NEB: variants seen among roughly 807,000 people sequenced by gnomAD.
The protein encoded by NEB is nebulin, also known as nemaline myopathy type 2.
NEB carries 512 observed loss-of-function variants against 952.2 expected under a neutral mutation model. The observed-to-expected ratio is 0.54, with a 90% CI of 0.50 to 0.58. The LOEUF (loss-of-function observed/expected upper bound fraction) is 0.58. Among genes scored for constraint, NEB ranks in the 20% least tolerant of loss-of-function variants. The probability of loss-of-function intolerance (pLI) is 0.00; values close to 1 mark genes in which losing one functional copy is unlikely to be tolerated. For synonymous variants in NEB, 2,900 were observed against 3,149.8 expected, an observed-to-expected ratio of 0.92 and a Z score of 2.66; for missense variants, 8,428 against 9,231.1, an observed-to-expected ratio of 0.91 and a Z score of 3.56.
chr2:151,513,760 G>C, intron 159 of NEB, 67 bp from the exon 160 acceptor site: 1 of 1,115,272 alleles, frequency 9.0e-7, no homozygotes, highest in Non-Finnish European at 1.3e-6. Context: ...AACATACAGG[G>C]TGAATGTAAA....
chr2:151,536,591 T>G (rs2093244863), intron 141 of NEB, among the ~76,000 whole-genome samples: 1 of 152,184 alleles, frequency 6.6e-6, no homozygotes. Flanking sequence ...TCCACAGTAT[T>G]GTAACAAACA....
In NEB at chr2:151,610,122, TA is replaced by T; in HGVS notation, c.12019-3del. 1 of 1,601,596 alleles carries T rather than the reference TA, an allele frequency of 6.2e-7. No homozygotes were observed. Among genetic ancestry groups the T allele is most frequent in the Middle Eastern group, 1.7e-4 (1 of 5,996 alleles). On this transcript the variant is annotated splice_region_variant and splice_polypyrimidine_tract_variant and intron_variant, in intron 80 of 181. Coordinates refer to ENST00000397345, the MANE Select transcript of NEB (RefSeq NM_001164508.2). ...CTCATAGGCTTCCTTGTATTTGTACTAAAATGCCAGAAATACAGGTGGAGAC... is the reference window on the plus strand; with the variant it reads ...CTCATAGGCTTCCTTGTATTTGTACTAAATGCCAGAAATACAGGTGGAGAC...
intron 3 of NEB, among the ~76,000 whole-genome samples, 165 bp from the exon 4 acceptor site, chr2:151,729,821 A>C (rs2099801423): frequency 6.6e-6 from 1 of 152,212 alleles, no homozygotes; most frequent in Non-Finnish European, 1.5e-5. Flanking sequence ...ACCCATCTTC[A>C]CTTTGTAATA....
intron 9 of NEB, among the ~76,000 whole-genome samples, chr2:151,723,004 G>T (rs961536797): frequency 7.2e-5 from 11 of 152,126 alleles, no homozygotes; most frequent in African/African-American, 2.7e-4. Context: ...ATTACAATAG[G>T]TTTTTAAAAA....
At chr2:151,648,894 G>A (rs1207206499) in intron 54 of NEB, among the ~76,000 whole-genome samples, 1 of 152,174 alleles carries the variant, frequency 6.6e-6, no homozygotes, top group African/African-American at 2.4e-5. Flanking sequence ...AGGAGAGACT[G>A]CAAGCTCAAG....
At chr2:151,539,702 G>T (rs1383811169) in intron 138 of NEB, among the ~76,000 whole-genome samples, 1 of 152,182 alleles carries the variant, frequency 6.6e-6, no homozygotes, top group Non-Finnish European at 1.5e-5. Flanking sequence ...ATTATTAACA[G>T]ATTATTACCA....
intron 168 of NEB, chr2:151,499,618 A>ATATT: frequency 2.8e-6 from 1 of 351,040 alleles, no homozygotes; most frequent in Admixed American, 4.5e-5. Flanking sequence ...TAACTTGAAT[A>ATATT]TATTTATTTC....
chr2:151,519,080 T>C lies in NEB; in HGVS notation c.22591-11A>G. On this transcript the variant is annotated splice_polypyrimidine_tract_variant and intron_variant, in intron 154 of 181. Coordinates refer to ENST00000397345, the MANE Select transcript of NEB (RefSeq NM_001164508.2). The stretch of plus-strand genomic sequence containing the variant: ...AGCCTTGTATTTAACCTGTGTGTTA[T>C]GGGGGAAGAAAGGAAATCACGTAAA... The C allele has an allele frequency of 4.5e-6, 7 of 1,556,426 alleles. No individual in the cohort carries two copies. Among genetic ancestry groups the C allele is most frequent in the East Asian group, 4.5e-5 (2 of 44,582 alleles).
rs2096828089 is a variant in NEB at position 151,576,374 on chromosome 2, T to C, written c.16705-20A>G. The C allele has an allele frequency of 6.4e-7, 1 of 1,566,652 alleles. No homozygotes were observed. Among genetic ancestry groups the C allele is most frequent in the East Asian group, 2.3e-5 (1 of 44,346 alleles). On this transcript the variant is annotated intron_variant, in intron 105 of 181. Transcript: ENST00000397345. ...GAGGGCCTGAAAAAGAAAACACAGG[T>C]AGAAGCAGGGTTTGTGTTTTGTTGT...
chr2:151,541,534 T>C lies in NEB; in HGVS notation c.20595A>G (p.Ala6865=), dbSNP rs1399138955. 6.2e-7 allele frequency: 1 copy of C among 1,613,280 alleles called. No individual in the cohort carries two copies. The highest frequency in any genetic ancestry group is 8.5e-7 in the Non-Finnish European group (1 of 1,179,478). Residue 6865 remains alanine (A), a synonymous_variant, in exon 136 of 182, where the codon GCA becomes GCG. Transcript: ENST00000397345. ...THLSELVYRA[A]GKKQKSIFTS... ...TAAAGATTGACTTCTGCTTCTTGCC[T>C]GCAGCTCTGTAGACCAGCTAGACAT...
chr2:151,569,179 T>G (rs962327954), intron 110 of NEB, 89 bp downstream of exon 110: 1 of 1,056,562 alleles, frequency 9.5e-7, no homozygotes, highest in African/African-American at 1.6e-5. Flanking sequence ...TGGTTAAGAT[T>G]GCTGATATTA....
intron 10 of NEB, among the ~76,000 whole-genome samples, chr2:151,710,986 G>A (rs2099743377): frequency 6.6e-6 from 1 of 152,140 alleles, no homozygotes; most frequent in South Asian, 2.1e-4. Flanking sequence ...CAACTTGCAG[G>A]CTAACGAATA....
rs561429482 is a variant in NEB at position 151,653,931 on chromosome 2, G to A, written c.6915+61C>T. ...AAGACTATCCATAAAAATAGTTACC[G>A]ACATTAAGTCACCTGATTCAGATAA... On this transcript the variant is annotated intron_variant, in intron 52 of 181. Transcript: ENST00000397345. 94 of 1,099,918 alleles carry A rather than the reference G, an allele frequency of 8.5e-5. No individual in the cohort carries two copies. In the Middle Eastern group the frequency reaches 1.2e-3, roughly 14 times the overall value. The allele number at this position is 1,099,918 out of a possible 1,614,324, so 68.1% of individuals were successfully genotyped here.
At chr2:151,652,812 A>G (rs756355046) in intron 52 of NEB, among the ~76,000 whole-genome samples, 9 of 152,200 alleles carry the variant, frequency 5.9e-5, no homozygotes, top group Non-Finnish European at 1.2e-4. Context: ...TTCACACAAA[A>G]AGAAATGAGG....
rs1334496224 is a variant in NEB at position 151,537,834 on chromosome 2, T to C, written c.21102+38A>G. The C allele has an allele frequency of 3.7e-6, 5 of 1,358,996 alleles. No individual in the cohort carries two copies. In the South Asian group the frequency reaches 4.5e-5, roughly 12 times the overall value. 84.2% of individuals were successfully genotyped at this position (1,358,996 alleles called of 1,614,324 possible). On this transcript the variant is annotated intron_variant, in intron 140 of 181. Transcript: ENST00000397345. ...TGATTTCAGAGCTTATATGGGAATA[T>C]GAATTTATATGTGAAAATAGAAGAT...
At chr2:151,644,367 T>G in intron 56 of NEB, 101 bp downstream of exon 56, 3 of 1,205,490 alleles carry the variant, frequency 2.5e-6, no homozygotes, top group Non-Finnish European at 3.6e-6. Flanking sequence ...TCCACTGTAA[T>G]TTGTTACCCC....
intron 60 of NEB, among the ~76,000 whole-genome samples, chr2:151,641,802 AG>A (rs1280452197): frequency 6.6e-6 from 1 of 152,252 alleles, no homozygotes; most frequent in African/African-American, 2.4e-5. Context: ...AAAAATTTTT[AG>A]AAATGTGAGC....
At chr2:151,693,861 ATGCTT>A (rs2099576191) in intron 20 of NEB, among the ~76,000 whole-genome samples, 1 of 152,140 alleles carries the variant, frequency 6.6e-6, no homozygotes, top group Non-Finnish European at 1.5e-5. Flanking sequence ...TTAAAATAAA[ATGCTT>A]TGCTTTTGAG....
intron 64 of NEB, among the ~76,000 whole-genome samples, chr2:151,635,625 G>C (rs1225533802): frequency 6.7e-6 from 1 of 150,118 alleles, no homozygotes; most frequent in Non-Finnish European, 1.5e-5. Context: ...AGAATCGCTT[G>C]ACCCCAGGGG....
Sources: gnomAD v4.1 joint callset for allele counts (sites outside exome capture counted in the v4.1 genomes callset) on GRCh38, gnomAD v4.1.1 for gene constraint, MANE v1.5 for transcripts, NCBI Gene and HGNC (gene_info 2026-07-23, HGNC 2026-07-21) for gene names.